NCOA7: variants seen among roughly 807,000 people sequenced by gnomAD.
NCOA7 encodes 140 kDa estrogen receptor-associated protein.
NCOA7 carries 45 observed loss-of-function variants against 104.3 expected under a neutral mutation model. That is an observed-to-expected ratio of 0.43 (90% CI 0.34 to 0.55). NCOA7 has a LOEUF of 0.55. Among genes scored for constraint, NCOA7 ranks in the 20% least tolerant of loss-of-function variants. NCOA7 has a pLI of 0.02. For missense variants in NCOA7, 1,041 were observed against 1,119.7 expected (o/e 0.93, Z 1.00); for synonymous variants, 398 against 402.3 (o/e 0.99, Z 0.13).
chr6:125,826,769 C>A (rs1326798418), intron 2 of NCOA7, among the ~76,000 whole-genome samples: 1 of 152,080 alleles, frequency 6.6e-6, no homozygotes. Context: ...ATGTCACAGA[C>A]TGGGTAATTT....
chr6:125,781,703 G>A (rs1774233984), intron 1 of NCOA7, among the ~76,000 whole-genome samples: 1 of 152,092 alleles, frequency 6.6e-6, no homozygotes, highest in Non-Finnish European at 1.5e-5. Context: ...AATTTGTATA[G>A]GTTTAGTCAC....
In NCOA7 at chr6:125,927,648, GT is replaced by G; in HGVS notation, c.2524-11del. On this transcript the variant is annotated splice_polypyrimidine_tract_variant and intron_variant, in intron 13 of 15. Transcript: ENST00000392477. Reference sequence around the variant, plus strand: ...AGGTTTGAATGTAGGTAACATTTCTGTTTTCTTTTGACAGATTTTTGGAGCA... The same window carrying G: ...AGGTTTGAATGTAGGTAACATTTCTGTTTCTTTTGACAGATTTTTGGAGCA... 6.2e-7 allele frequency: 1 copy of G among 1,604,034 alleles called. No individual in the cohort carries two copies. Among genetic ancestry groups the G allele is most frequent in the Non-Finnish European group, 8.5e-7 (1 of 1,170,828 alleles).
In NCOA7 at chr6:125,922,807, A is replaced by G; in HGVS notation, c.2496A>G (p.Leu832=). Residue 832 remains leucine (L), a synonymous_variant, in exon 13 of 16, where the codon CTA becomes CTG. Transcript: ENST00000392477. ...CGGCATCACTAGACAGTCCTGTCCT[A>G]TTGGTCATCAAAGATATGGATAATC... ...RKSASLDSPV[L]LVIKDMDNQI... 1.2e-6 allele frequency: 2 copies of G among 1,614,086 alleles called. No individual in the cohort carries two copies. The highest frequency in any genetic ancestry group is 1.7e-6 in the Non-Finnish European group (2 of 1,179,980).
intron 2 of NCOA7, among the ~76,000 whole-genome samples, chr6:125,830,733 A>ATGTGTGTGTGTG (rs1491378471): frequency 2.4e-4 from 27 of 111,836 alleles, no homozygotes; most frequent in East Asian, 2.4e-3. Context: ...ATATATATAT[A>ATGTGTGTGTGTG]TATATGTGTG....
At chr6:125,909,730 A>G (rs2128681979) in intron 10 of NCOA7, among the ~76,000 whole-genome samples, 1 of 152,236 alleles carries the variant, frequency 6.6e-6, no homozygotes, top group Admixed American at 6.5e-5. Context: ...GAATCACTTG[A>G]ACTCGGGAGG....
intron 2 of NCOA7, among the ~76,000 whole-genome samples, chr6:125,846,232 T>C (rs1172353638): frequency 6.6e-6 from 1 of 152,154 alleles, no homozygotes; most frequent in African/African-American, 2.4e-5. Flanking sequence ...TGTCTTGGCT[T>C]CTGGACTTTT....
At chr6:125,900,103 AG>A (rs1785369541) in intron 10 of NCOA7, 2 of 514,066 alleles carry the variant, frequency 3.9e-6, no homozygotes, top group African/African-American at 3.9e-5. Context: ...GCATGAGGCC[AG>A]GGTTAATTAT....
intron 3 of NCOA7, among the ~76,000 whole-genome samples, chr6:125,862,767 G>A (rs1308765144): frequency 1.4e-5 from 2 of 138,498 alleles, no homozygotes; most frequent in Admixed American, 6.8e-5. Context: ...ACTTTGGGGG[G>A]CCAAGGCAGG....
intron 10 of NCOA7, 152 bp downstream of exon 10, chr6:125,890,962 G>A: frequency 1.2e-6 from 1 of 801,478 alleles, no homozygotes; most frequent in Non-Finnish European, 1.8e-6. Context: ...TATTTAAAGG[G>A]ACTTTCTGCT....
In NCOA7 at chr6:125,918,497, G is replaced by A. The variant is rs149998574; in HGVS notation, c.2245-2446G>A. Among the ~76,000 whole-genome samples the A allele has an allele frequency of 6.6e-5, 10 of 152,194 alleles. No homozygotes were observed. In the East Asian group the frequency reaches 1.9e-3, roughly 29 times the overall value. On this transcript the variant is annotated intron_variant, in intron 11 of 15. Transcript: ENST00000392477. ...AGCAATACAATACACTCTGATCCCC[G>A]CAGCTGTGCCCAAGACTGAAAGGCC...
At chr6:125,898,243 CTA>C (rs1785209695) in intron 10 of NCOA7, among the ~76,000 whole-genome samples, 1 of 152,200 alleles carries the variant, frequency 6.6e-6, no homozygotes, top group Non-Finnish European at 1.5e-5. Flanking sequence ...ATTTTTAAAA[CTA>C]TGGGTGCTAA....
chr6:125,869,127 C>T (rs1196955295), intron 3 of NCOA7, among the ~76,000 whole-genome samples: 1 of 152,206 alleles, frequency 6.6e-6, no homozygotes, highest in East Asian at 1.9e-4. Flanking sequence ...AGAGAATTCA[C>T]AGATGTCTGT....
intron 3 of NCOA7, among the ~76,000 whole-genome samples, chr6:125,856,703 T>A (rs1486023908): frequency 6.6e-6 from 1 of 152,020 alleles, no homozygotes; most frequent in African/African-American, 2.4e-5. Flanking sequence ...ACATATGGCA[T>A]GGCATACAGG....
chr6:125,882,251 T>A (rs1456299190), intron 6 of NCOA7, among the ~76,000 whole-genome samples, 175 bp from the exon 7 acceptor site: 1 of 152,202 alleles, frequency 6.6e-6, no homozygotes, highest in African/African-American at 2.4e-5. Context: ...CAGTTTGATT[T>A]GGGTATCTGT....
chr6:125,863,076 G>T lies in NCOA7; in HGVS notation c.271+7836G>T, dbSNP rs113890090. ...AAAATATGGTAAACTGTGTTCTGTA[G>T]AAAATTGTTCCAAAAGGGAAAAGGA... On this transcript the variant is annotated intron_variant, in intron 3 of 15. Transcript: ENST00000392477. 8.4e-3 allele frequency among the ~76,000 whole-genome samples: 1,171 copies of T among 139,052 alleles called. 329 individuals are homozygous for T. The highest frequency in any genetic ancestry group is 0.033 in the African/African-American group (1,100 of 33,682). The allele number at this position is 139,052 out of a possible 152,430, so 91.2% of individuals were successfully genotyped here. A position where few individuals can be genotyped will look rare whatever the true frequency, so the allele number is the denominator to read the frequency against.
chr6:125,874,835 T>A, intron 3 of NCOA7, 54 bp from the exon 4 acceptor site: 1 of 1,417,552 alleles, frequency 7.1e-7, no homozygotes, highest in South Asian at 1.2e-5. Context: ...AGTTTTACCC[T>A]GGCTTCAGTC....
intron 2 of NCOA7, among the ~76,000 whole-genome samples, chr6:125,848,137 AAGTC>A (rs1780787460): frequency 6.6e-6 from 1 of 152,234 alleles, no homozygotes; most frequent in African/African-American, 2.4e-5. Context: ...GATCATTAAA[AAGTC>A]AGGAAACAAC....
chr6:125,912,991 A>C (rs1448094441), intron 10 of NCOA7, among the ~76,000 whole-genome samples: 1 of 152,156 alleles, frequency 6.6e-6, no homozygotes, highest in African/African-American at 2.4e-5. Context: ...ACCTATTCCA[A>C]ATATTAAAAT....
At chr6:125,920,055 T>C (rs866297247) in intron 11 of NCOA7, among the ~76,000 whole-genome samples, 6 of 152,230 alleles carry the variant, frequency 3.9e-5, no homozygotes, top group Non-Finnish European at 8.8e-5. Context: ...TTATCCATAA[T>C]TTAAGAAGGG....
Sources: allele counts gnomAD v4.1 joint callset (sites outside exome capture counted in the v4.1 genomes callset), GRCh38; gene constraint gnomAD v4.1.1; transcripts MANE v1.5; gene names NCBI Gene and HGNC (gene_info 2026-07-23, HGNC 2026-07-21).